ANK1: variants seen among roughly 807,000 people sequenced by gnomAD.
The protein encoded by ANK1 is ankyrin-1.
Under a neutral mutation model 210.4 loss-of-function variants are expected in ANK1, and 51 were observed. The observed-to-expected ratio is 0.24, with a 90% CI of 0.19 to 0.31. The LOEUF is 0.31. ANK1 is among the 10% of genes least tolerant of loss of function. ANK1 has a pLI of 1.00. For missense variants in ANK1, 2,051 were observed against 2,504.4 expected (o/e 0.82, Z 3.86); for synonymous variants, 967 against 1,025.9 (o/e 0.94, Z 1.10).
intron 1 of ANK1, among the ~76,000 whole-genome samples, chr8:41,830,218 A>G (rs1806340772): frequency 6.6e-6 from 1 of 151,142 alleles, no homozygotes; most frequent in African/African-American, 2.4e-5. Context: ...CCCCCACCCC[A>G]GGCTCCTAGA....
chr8:41,730,088 G>C (rs1312584144), intron 3 of ANK1, among the ~76,000 whole-genome samples: 2 of 152,238 alleles, frequency 1.3e-5, no homozygotes, highest in Non-Finnish European at 2.9e-5. Flanking sequence ...CTTAAGAACT[G>C]ACAAGCAGGG....
chr8:41,839,352 C>T (rs1808411229), intron 1 of ANK1, among the ~76,000 whole-genome samples: 1 of 152,250 alleles, frequency 6.6e-6, no homozygotes, highest in Non-Finnish European at 1.5e-5. Context: ...TAGCCAGGTT[C>T]CCTGGCTGTT....
chr8:41,797,443 T>A lies in ANK1; in HGVS notation c.27+69A>T. On this transcript the variant is annotated intron_variant, in intron 1 of 42. Transcript: ENST00000289734. This position sits in a 1 kb window ranked among gnomAD's most constrained non-coding sequence, Gnocchi z 4.0. ...AAGCTGCTCTTGCTCGCGTGCTGCC[T>A]ACTGGCGCGGCCTGGGTGGCCCCCT... 1 of 1,437,796 alleles carries A rather than the reference T, an allele frequency of 7.0e-7. No homozygotes were observed. The highest frequency in any genetic ancestry group is 9.6e-7 in the Non-Finnish European group (1 of 1,038,434). The allele number at this position is 1,437,796 out of a possible 1,614,324, so 89.1% of individuals were successfully genotyped here. A position where few individuals can be genotyped will look rare whatever the true frequency, so the allele number is the denominator to read the frequency against.
chr8:41,664,763 G>A (rs560230773), intron 39 of ANK1: 49 of 1,553,142 alleles, frequency 3.2e-5, no homozygotes, highest in African/African-American at 4.1e-5. Flanking sequence ...GGCCTCCGGC[G>A]CCCACACCAC....
At chr8:41,784,713 G>T (rs940385986) in intron 1 of ANK1, among the ~76,000 whole-genome samples, 3 of 152,162 alleles carry the variant, frequency 2.0e-5, no homozygotes, top group African/African-American at 4.8e-5. Flanking sequence ...TCATGGTGAA[G>T]GTTTTGCAAA....
At position 41,690,564 on chromosome 8, in the gene ANK1, A is replaced by G; in HGVS notation, c.3894T>C (p.Ser1298=). The change falls in exon 32 of 43, where the codon TCT becomes TCC. Residue 1298 remains serine, a synonymous_variant. Transcript: ENST00000289734. Reference sequence around the variant, plus strand: ...CTTTCTTCACAGGCACCAGGTTCCCAGAGAGTTCTGCAAACAGGGACATTC... The same window carrying G: ...CTTTCTTCACAGGCACCAGGTTCCCGGAGAGTTCTGCAAACAGGGACATTC... ...LEGMSLFAEL[S]GNLVPVKKAA... The G allele has an allele frequency of 6.2e-7, 1 of 1,613,872 alleles. No individual in the cohort carries two copies. Among genetic ancestry groups the G allele is most frequent in the Non-Finnish European group, 8.5e-7 (1 of 1,179,904 alleles).
intron 1 of ANK1, among the ~76,000 whole-genome samples, chr8:41,815,551 C>A (rs1350170392): frequency 6.6e-6 from 1 of 152,076 alleles, no homozygotes; most frequent in Non-Finnish European, 1.5e-5. Context: ...TTTGAAACAA[C>A]CTTTTGATAA....
chr8:41,874,506 C>T (rs896802941), intron 1 of ANK1, among the ~76,000 whole-genome samples: 2 of 152,212 alleles, frequency 1.3e-5, no homozygotes, highest in Admixed American at 6.5e-5. Flanking sequence ...ATCCCCGCCC[C>T]GCAGGCCCTG....
chr8:41,798,148 G>A (rs2150772682), upstream of ANK1, among the ~76,000 whole-genome samples: 1 of 152,116 alleles, frequency 6.6e-6, no homozygotes, highest in East Asian at 2.0e-4. Context: ...CAGGGCGCAC[G>A]CCCTGTCGGC....
At position 41,702,194 on chromosome 8, in the gene ANK1, A is replaced by T. The variant is rs186812871; in HGVS notation, c.2296-50T>A. The T allele has an allele frequency of 1.3e-5, 20 of 1,511,092 alleles. No individual in the cohort carries two copies. The East Asian group carries it at 4.5e-4, about 34-fold the overall frequency. 93.6% of individuals were successfully genotyped at this position (1,511,092 alleles called of 1,614,324 possible). On this transcript the variant is annotated intron_variant, in intron 20 of 42. Transcript: ENST00000289734. ...AGTCAGACAGGGGATGGAGTCTAGG[A>T]GGCGGGGCTGGCTCCCTAGACACAG...
intron 39 of ANK1, chr8:41,665,487 T>G: frequency 2.9e-6 from 1 of 347,186 alleles, no homozygotes; most frequent in Non-Finnish European, 5.7e-6. Context: ...ATCCTGCCCA[T>G]CCCCATGGGA....
At chr8:41,811,252 T>G (rs956225494) in intron 1 of ANK1, among the ~76,000 whole-genome samples, 1 of 152,198 alleles carries the variant, frequency 6.6e-6, no homozygotes, top group African/African-American at 2.4e-5. Context: ...GAGCGGGGGT[T>G]TCAGTTTTTC....
At chr8:41,664,695 C>T in intron 39 of ANK1, 1 of 1,139,904 alleles carries the variant, frequency 8.8e-7, no homozygotes, top group East Asian at 2.6e-5. Flanking sequence ...GGTCCTTTTC[C>T]TCCGGCGTCT....
intron 1 of ANK1, among the ~76,000 whole-genome samples, chr8:41,794,119 G>A (rs1356031841): frequency 6.6e-6 from 1 of 152,214 alleles, no homozygotes; most frequent in African/African-American, 2.4e-5. Flanking sequence ...CATAGGTATA[G>A]GCAGAAGTCA....
At chr8:41,810,725 A>G (rs1348691292) in intron 1 of ANK1, among the ~76,000 whole-genome samples, 4 of 152,232 alleles carry the variant, frequency 2.6e-5, no homozygotes, top group African/African-American at 9.6e-5. Flanking sequence ...GAAAGCCAAA[A>G]GCGCGGAGAA....
intron 1 of ANK1, among the ~76,000 whole-genome samples, chr8:41,827,302 T>C (rs1329356923): frequency 3.9e-5 from 6 of 152,238 alleles, no homozygotes; most frequent in African/African-American, 1.2e-4. Context: ...GTTTTCCTAA[T>C]CCAGCCTTTC....
chr8:41,690,670 G>A (rs1563435654), intron 31 of ANK1, 71 bp from the exon 32 acceptor site: 12 of 1,570,018 alleles, frequency 7.6e-6, no homozygotes, highest in South Asian at 1.1e-5. Context: ...TTCCACCTTC[G>A]GTCCTTCCCT....
At chr8:41,888,514 G>A (rs998207447) in intron 1 of ANK1, among the ~76,000 whole-genome samples, 3 of 152,156 alleles carry the variant, frequency 2.0e-5, no homozygotes, top group Admixed American at 6.5e-5. Context: ...CTCCGTGTCC[G>A]GCTCCTGGCA....
At position 41,706,154 on chromosome 8, in the gene ANK1, C is replaced by T. The variant is rs772536407; in HGVS notation, c.2086G>A (p.Ala696Thr). 18 of 1,613,768 alleles carry T rather than the reference C, an allele frequency of 1.1e-5. No homozygotes were observed. In the Admixed American group the frequency reaches 2.0e-4, roughly 18 times the overall value. ...VLIKHGVMVDATTRMGYTPLH... is the reference protein window; with the variant it reads ...VLIKHGVMVDTTTRMGYTPLH... ...GCTGCCTGCCTTACCCGGGTGGTGG[C>T]GTCCACCATGACGCCGTGTTTGATC... The change falls in exon 18 of 43, where the codon GCC becomes ACC. Residue 696 changes from alanine (A) to threonine (T), a missense_variant. Ala to Thr is a moderately conservative substitution (Grantham distance 58). This residue lies in a region of ANK1 where 1,413 missense variants were observed against 1,707.4 expected (regional missense o/e 0.83). Coordinates refer to ENST00000289734, the MANE Select transcript of ANK1 (RefSeq NM_000037.4).
Sources: gnomAD v4.1 joint callset for allele counts (sites outside exome capture counted in the v4.1 genomes callset) on GRCh38, gnomAD v4.1.1 for gene constraint, gnomAD v4.1.1 regional missense constraint, Gnocchi (gnomAD v3.1) non-coding constraint, MANE v1.5 for transcripts, NCBI Gene and HGNC (gene_info 2026-07-23, HGNC 2026-07-21) for gene names.